The following POGLUT3 variants were observed in gnomAD, a reference collection of about 807,000 sequenced individuals.
The protein encoded by POGLUT3 is protein O-glucosyltransferase 3.
Under a neutral mutation model 54.3 loss-of-function variants are expected in POGLUT3, and 48 were observed. That is an observed-to-expected ratio of 0.88 (90% CI 0.70 to 1.12). The LOEUF (loss-of-function observed/expected upper bound fraction) is 1.12, where lower values mean the gene tolerates loss of function less well. POGLUT3 is among the 50% of genes most tolerant of loss of function. POGLUT3 has a pLI of 0.00. For synonymous variants in POGLUT3, 218 were observed against 237.4 expected, an observed-to-expected ratio of 0.92 and a Z score of 0.75; for missense variants, 629 against 618.7, an observed-to-expected ratio of 1.02 and a Z score of -0.18.
At chr11:108,482,702 C>T (rs1253315442) in intron 3 of POGLUT3, among the ~76,000 whole-genome samples, 4 of 151,840 alleles carry the variant, frequency 2.6e-5, no homozygotes, top group East Asian at 1.9e-4. Context: ...GCCAAGATCG[C>T]GCCACTGCAC....
At chr11:108,495,441 G>C (rs912489912) in intron 1 of POGLUT3, among the ~76,000 whole-genome samples, 1 of 152,338 alleles carries the variant, frequency 6.6e-6, no homozygotes. Flanking sequence ...AAAGTGCTGA[G>C]ATTACAAGGC....
At chr11:108,487,622 C>T (rs928853168) in intron 2 of POGLUT3, among the ~76,000 whole-genome samples, 1 of 152,026 alleles carries the variant, frequency 6.6e-6, no homozygotes, top group African/African-American at 2.4e-5. Flanking sequence ...GGGACAGAGT[C>T]TCACACTGGC....
intron 1 of POGLUT3, among the ~76,000 whole-genome samples, chr11:108,493,803 C>CAAA (rs11351337): frequency 5.7e-4 from 47 of 81,968 alleles, no homozygotes; most frequent in East Asian, 9.3e-4. Context: ...GACTCTGTCT[C>CAAA]AAAAAAAAAA....
Position 108,486,299 on chromosome 11 carries a change from T to A in POGLUT3, c.542A>T (p.Glu181Val). Residue 181 changes from glutamate to valine, a missense_variant, in exon 3 of 8, where the codon GAA (glutamate) becomes GTA (valine). Glu to Val is a moderately radical substitution (Grantham distance 121). Coordinates refer to ENST00000323468, the MANE Select transcript of POGLUT3 (RefSeq NM_153705.5). ...CTCATCCCCAAACCTTTTGGGGACT[T>A]CTTTTAGCATTTGCTGGAGATTGAT... ...PSINLQQMLK[E>V]VPKRFGDERG... 1.2e-6 allele frequency: 2 copies of A among 1,614,144 alleles called. No individual in the cohort carries two copies. The highest frequency in any genetic ancestry group is 1.7e-6 in the Non-Finnish European group (2 of 1,180,026).
intron 1 of POGLUT3, among the ~76,000 whole-genome samples, chr11:108,492,306 A>G (rs184343068): frequency 6.6e-6 from 1 of 152,302 alleles, no homozygotes; most frequent in East Asian, 1.9e-4. Flanking sequence ...TGTTGTGATT[A>G]GTGTTACTGT....
intron 3 of POGLUT3, among the ~76,000 whole-genome samples, chr11:108,485,680 T>C (rs34449419): frequency 8.2e-6 from 1 of 121,720 alleles, no homozygotes; most frequent in Admixed American, 8.6e-5. Flanking sequence ...TTATTTGAGA[T>C]GGAGTCTCAC....
chr11:108,492,299 T>A (rs2093614716), intron 1 of POGLUT3, among the ~76,000 whole-genome samples: 1 of 152,226 alleles, frequency 6.6e-6, no homozygotes, highest in Non-Finnish European at 1.5e-5. Flanking sequence ...ATGATACTGT[T>A]GTGATTAGTG....
At chr11:108,477,807 G>T in intron 6 of POGLUT3, 96 bp from the exon 7 acceptor site, 1 of 800,474 alleles carries the variant, frequency 1.2e-6, no homozygotes, top group Non-Finnish European at 2.2e-6. Flanking sequence ...GGGGTTGAAA[G>T]TGAACAGCAT....
intron 2 of POGLUT3, chr11:108,486,713 G>A (rs774838160): frequency 7.9e-6 from 3 of 380,012 alleles, no homozygotes; most frequent in East Asian, 4.0e-5. Flanking sequence ...AGGTATAAAT[G>A]GCTGGCAAAC....
intron 2 of POGLUT3, among the ~76,000 whole-genome samples, chr11:108,489,215 G>A (rs2093608883): frequency 1.3e-5 from 2 of 152,068 alleles, no homozygotes; most frequent in Admixed American, 6.6e-5. Flanking sequence ...AAATGAAAAG[G>A]GTATCGATGA....
intron 1 of POGLUT3, among the ~76,000 whole-genome samples, chr11:108,493,823 A>C (rs2093617364): frequency 6.6e-6 from 1 of 151,158 alleles, no homozygotes; most frequent in East Asian, 1.9e-4. Context: ...AAAAAAAAAA[A>C]AGAATTGAGG....
chr11:108,479,296 C>T lies in POGLUT3; in HGVS notation c.1293+5G>A. ...TTAAAGAAATAAAAATTGCTGGACG[C>T]ATACCTTAGCCCATTTAACTTTCTC... On this transcript the variant is annotated splice_donor_5th_base_variant and intron_variant, in intron 6 of 7. Coordinates refer to ENST00000323468, the MANE Select transcript of POGLUT3 (RefSeq NM_153705.5). 6.3e-7 allele frequency: 1 copy of T among 1,593,910 alleles called. No homozygotes were observed. The highest frequency in any genetic ancestry group is 8.5e-7 in the Non-Finnish European group (1 of 1,172,540).
intron 7 of POGLUT3, among the ~76,000 whole-genome samples, chr11:108,477,019 G>T (rs902740582): frequency 2.6e-5 from 4 of 152,178 alleles, no homozygotes; most frequent in African/African-American, 9.7e-5. Flanking sequence ...TTTAATAAAA[G>T]AGAGCACTGA....
chr11:108,492,196 C>T (rs2093614607), intron 1 of POGLUT3, among the ~76,000 whole-genome samples: 1 of 152,142 alleles, frequency 6.6e-6, no homozygotes. Flanking sequence ...TAATCCATTC[C>T]ACCTTCAAAG....
chr11:108,487,956 G>A (rs548511183), intron 2 of POGLUT3, among the ~76,000 whole-genome samples: 3 of 151,842 alleles, frequency 2.0e-5, no homozygotes, highest in South Asian at 4.2e-4. Context: ...AGGGACTGAT[G>A]TACCACCCCA....
chr11:108,481,367 C>G lies in POGLUT3; in HGVS notation c.911G>C (p.Trp304Ser). The part of the protein sequence containing the change: ...LSIQGNTGPS[W>S]INKTERAFFR... The stretch of plus-strand genomic sequence containing the variant: ...GAAAGCTCTCTCTGTTTTATTGATC[C>G]AGGAAGGCCCTACAAGTTTGAAGCC... The change falls in exon 5 of 8, where the codon TGG (tryptophan) becomes TCG (serine). Residue 304 changes from tryptophan to serine, a missense_variant. Transcript: ENST00000323468. The G allele has an allele frequency of 3.8e-6, 6 of 1,570,854 alleles. No individual in the cohort carries two copies. The highest frequency in any genetic ancestry group is 5.1e-6 in the Non-Finnish European group (6 of 1,167,316).
chr11:108,493,155 G>A (rs946325600), intron 1 of POGLUT3, among the ~76,000 whole-genome samples: 1 of 152,194 alleles, frequency 6.6e-6, no homozygotes, highest in African/African-American at 2.4e-5. Flanking sequence ...TCAATTATTT[G>A]TAAATTGAAA....
chr11:108,477,885 A>C (rs1480595761), intron 6 of POGLUT3, 174 bp from the exon 7 acceptor site: 4 of 603,804 alleles, frequency 6.6e-6, no homozygotes, highest in African/African-American at 5.6e-5. Flanking sequence ...ATGGTGGCTC[A>C]CACCTGTAAT....
rs373928124 is a variant in POGLUT3 at position 108,498,254 on chromosome 11, C to G, written c.113G>C (p.Gly38Ala). ...CGGCAGGACGACGGCCGCCTGCAGC[C>G]CGGGCCCCCACACCAGGCTCCGCGG... is the stretch of plus-strand genomic sequence containing the variant. ...SAPRSLVWGPGLQAAVVLPVR... is the reference protein window; with the variant it reads ...SAPRSLVWGPALQAAVVLPVR... The change falls in exon 1 of 8, where the codon GGG (glycine) becomes GCG (alanine). Residue 38 changes from glycine to alanine, a missense_variant. Gly to Ala is a moderately conservative substitution (Grantham distance 60, BLOSUM62 0). Transcript: ENST00000323468. The G allele has an allele frequency of 6.0e-6, 9 of 1,504,518 alleles. No homozygotes were observed. Among genetic ancestry groups the G allele is most frequent in the South Asian group, 3.8e-5 (3 of 79,516 alleles). 93.2% of individuals were successfully genotyped at this position (1,504,518 alleles called of 1,614,324 possible). A position where few individuals can be genotyped will look rare whatever the true frequency, so the allele number is the denominator to read the frequency against.
Sources: allele counts gnomAD v4.1 joint callset (sites outside exome capture counted in the v4.1 genomes callset), GRCh38; gene constraint gnomAD v4.1.1; transcripts MANE v1.5; gene names NCBI Gene and HGNC (gene_info 2026-07-23, HGNC 2026-07-21).